LMO4: variants seen among roughly 807,000 people sequenced by gnomAD.
The protein encoded by LMO4 is LIM domain transcription factor LMO4.
Under a neutral mutation model 18.5 loss-of-function variants are expected in LMO4, and 3 were observed. The ratio of observed to expected loss-of-function variants is 0.16; its 90% CI spans 0.07 to 0.42. The LOEUF (loss-of-function observed/expected upper bound fraction) is 0.42, where lower values mean the gene tolerates loss of function less well. LMO4 is among the 10% of genes least tolerant of loss of function. LMO4 has a pLI of 0.99. For missense variants in LMO4, 121 were observed against 219.9 expected (o/e 0.55, Z 2.84); for synonymous variants, 100 against 88.1 (o/e 1.14, Z -0.76).
At chr1:87,341,988 G>A (rs1273587144) in intron 4 of LMO4, among the ~76,000 whole-genome samples, 2 of 152,122 alleles carry the variant, frequency 1.3e-5, no homozygotes, top group Admixed American at 6.5e-5. Flanking sequence ...ACACTTGGTA[G>A]CAAAAAAGAA....
At chr1:87,329,439 C>G (rs1166592891) in intron 1 of LMO4, among the ~76,000 whole-genome samples, 195 bp downstream of exon 1, 1 of 152,144 alleles carries the variant, frequency 6.6e-6, no homozygotes, top group East Asian at 1.9e-4. Context: ...AGGGCAGCCC[C>G]GGGCCGCCAG....
At chr1:87,340,314 A>C in intron 4 of LMO4, 112 bp downstream of exon 4, 1 of 942,266 alleles carries the variant, frequency 1.1e-6, no homozygotes, top group African/African-American at 1.7e-5. Flanking sequence ...TGCCCTTTTA[A>C]AGAAATGTAG....
chr1:87,339,353 G>A (rs559514682), intron 2 of LMO4, among the ~76,000 whole-genome samples, 183 bp from the exon 3 acceptor site: 2 of 152,094 alleles, frequency 1.3e-5, no homozygotes, highest in Non-Finnish European at 2.9e-5. Flanking sequence ...GCAGAAGTTT[G>A]TTGTCCCACA....
At position 87,340,144 on chromosome 1, in the gene LMO4, C is replaced by T. The variant is rs1234700962; in HGVS notation, c.431C>T (p.Ala144Val). The T allele has an allele frequency of 6.2e-7, 1 of 1,614,060 alleles. No individual in the cohort carries two copies. The highest frequency in any genetic ancestry group is 1.1e-5 in the South Asian group (1 of 91,086). The change falls in exon 4 of 5, where the codon GCT becomes GTT. Residue 144 changes from alanine to valine, a missense_variant. Coordinates refer to ENST00000370544, the MANE Select transcript of LMO4 (RefSeq NM_006769.4). ...SLFCEHDRPT[A>V]LINGHLNSLQ... ...TTTTGTGAACATGATAGACCTACAG[C>T]TCTCATCAATGGCCATTTGAATTCA...
intron 2 of LMO4, among the ~76,000 whole-genome samples, chr1:87,335,346 G>T (rs2100777160): frequency 6.6e-6 from 1 of 152,236 alleles, no homozygotes; most frequent in South Asian, 2.1e-4. Flanking sequence ...CGCGCCGGAA[G>T]CCAGGGTGGC....
chr1:87,342,965 C>T (rs1455845036), intron 4 of LMO4, among the ~76,000 whole-genome samples: 2 of 152,118 alleles, frequency 1.3e-5, no homozygotes, highest in South Asian at 2.1e-4. Context: ...TCTCCTCTCT[C>T]GTTCTCCATA....
chr1:87,338,821 G>A (rs542274944), intron 2 of LMO4, among the ~76,000 whole-genome samples: 1 of 152,096 alleles, frequency 6.6e-6, no homozygotes, highest in Non-Finnish European at 1.5e-5. Context: ...TGCTCAAATC[G>A]AAATTTCATT....
At chr1:87,339,673 A>G (rs1650417542) in intron 3 of LMO4, 41 bp downstream of exon 3, 1 of 1,301,792 alleles carries the variant, frequency 7.7e-7, no homozygotes, top group Middle Eastern at 2.1e-4. Flanking sequence ...AAAAAAAATC[A>G]TACCTTTCCT....
intron 2 of LMO4, among the ~76,000 whole-genome samples, chr1:87,335,139 C>T (rs991252034): frequency 3.9e-5 from 6 of 152,158 alleles, no homozygotes; most frequent in Admixed American, 6.5e-5. Flanking sequence ...TGGGACTGCC[C>T]CTTCCCCCAC....
chr1:87,331,046 T>C (rs1650123376), intron 1 of LMO4, among the ~76,000 whole-genome samples: 1 of 128,154 alleles, frequency 7.8e-6, no homozygotes, highest in Non-Finnish European at 1.6e-5. Context: ...TCTCGCACAT[T>C]ATCTGTAACG....
chr1:87,340,001 A>G (rs1269716764), intron 3 of LMO4, 46 bp from the exon 4 acceptor site: 1 of 1,595,428 alleles, frequency 6.3e-7, no homozygotes, highest in Non-Finnish European at 8.6e-7. Context: ...CCAAAAAAAG[A>G]CTTAATTTTT....
At position 87,328,923 on chromosome 1, in the gene LMO4, AG is replaced by A. The variant is rs1457280661; in HGVS notation, c.-324del. ...GTTGCTGCCGCTGCGCCGCGCCTGA[AG>A]CCGCGCCGCGCGGGCCGAGGGCTCC... On this transcript the variant is annotated 5_prime_UTR_variant, in exon 1 of 5. Coordinates refer to ENST00000370544, the MANE Select transcript of LMO4 (RefSeq NM_006769.4). 2 of 151,976 alleles carry A rather than the reference AG, an allele frequency of 1.3e-5. No individual in the cohort carries two copies. Among genetic ancestry groups the A allele is most frequent in the Non-Finnish European group, 2.9e-5 (2 of 67,980 alleles). 9.4% of individuals were successfully genotyped at this position (151,976 alleles called of 1,614,324 possible).
chr1:87,348,806 C>T lies in LMO4; in HGVS notation c.*4010C>T, dbSNP rs908134686. On this transcript the variant is annotated 3_prime_UTR_variant, in exon 5 of 5. Coordinates refer to ENST00000370544, the MANE Select transcript of LMO4 (RefSeq NM_006769.4). Reference sequence around the variant, plus strand: ...TCAGATTGATTCTGCTGAGAATGGACGGCAACTCGGAGGCCTCAAGCCAAT... The same window carrying T: ...TCAGATTGATTCTGCTGAGAATGGATGGCAACTCGGAGGCCTCAAGCCAAT... 2 of 499,072 alleles carry T rather than the reference C, an allele frequency of 4.0e-6. No homozygotes were observed. The highest frequency in any genetic ancestry group is 8.0e-6 in the Non-Finnish European group (2 of 250,148). 30.9% of individuals were successfully genotyped at this position (499,072 alleles called of 1,614,324 possible). A position where few individuals can be genotyped will look rare whatever the true frequency, so the allele number is the denominator to read the frequency against.
chr1:87,336,630 C>G (rs1650321758), intron 2 of LMO4, among the ~76,000 whole-genome samples: 1 of 152,168 alleles, frequency 6.6e-6, no homozygotes, highest in Non-Finnish European at 1.5e-5. Flanking sequence ...GATTTCTTCC[C>G]ATCTTTTCCG....
chr1:87,332,039 G>C lies in LMO4; in HGVS notation c.24G>C (p.Ser8=). The change falls in exon 2 of 5, where the codon TCG becomes TCC. Residue 8 remains serine (S), a synonymous_variant. Transcript: ENST00000370544. MVNPGSS[S]QPPPVTAGSL... Reference sequence around the variant, plus strand: ...CCATGGTGAATCCGGGCAGCAGCTCGCAGCCGCCCCCGGTGACGGCCGGCT... The same window carrying C: ...CCATGGTGAATCCGGGCAGCAGCTCCCAGCCGCCCCCGGTGACGGCCGGCT... 3 of 1,612,644 alleles carry C rather than the reference G, an allele frequency of 1.9e-6. No homozygotes were observed. The highest frequency in any genetic ancestry group is 2.5e-6 in the Non-Finnish European group (3 of 1,179,832).
At position 87,347,326 on chromosome 1, in the gene LMO4, G is replaced by A. The variant is rs897087403; in HGVS notation, c.*2530G>A. ...GGTAAAACACTTTCTTGAAACCAGA[G>A]GCATTTCAAACAATAAAACCCGGCT... On this transcript the variant is annotated 3_prime_UTR_variant, in exon 5 of 5. Coordinates refer to ENST00000370544, the MANE Select transcript of LMO4 (RefSeq NM_006769.4). 2.6e-5 allele frequency: 4 copies of A among 152,108 alleles called. No homozygotes were observed. The highest frequency in any genetic ancestry group is 9.7e-5 in the African/African-American group (4 of 41,404). The allele number at this position is 152,108 out of a possible 1,614,324, so 9.4% of individuals were successfully genotyped here.
intron 4 of LMO4, 151 bp from the exon 5 acceptor site, chr1:87,344,637 T>C: frequency 1.4e-6 from 1 of 728,288 alleles, no homozygotes; most frequent in Non-Finnish European, 2.4e-6. Flanking sequence ...CCAGAGTAAG[T>C]AGCATAGAAA....
chr1:87,333,949 A>C lies in LMO4; in HGVS notation c.236+1698A>C, dbSNP rs548757891. On this transcript the variant is annotated intron_variant, in intron 2 of 4. Coordinates refer to ENST00000370544, the MANE Select transcript of LMO4 (RefSeq NM_006769.4). ...CTCTTCTCCGAGTGCCTTCAAAAAA[A>C]AAAAAACAAAAAACAAAAAAAACCC... Among the ~76,000 whole-genome samples, 963 of 152,108 alleles carry C rather than the reference A, an allele frequency of 6.3e-3. 10 individuals carry two copies. The highest frequency in any genetic ancestry group is 0.014 in the Middle Eastern group (4 of 294).
At position 87,332,045 on chromosome 1, in the gene LMO4, GCC is replaced by G; in HGVS notation, c.34_35del (p.Pro12GlyfsTer64). On this transcript the variant is annotated frameshift_variant, in exon 2 of 5. Transcript: ENST00000370544. LOFTEE classifies it high-confidence loss of function. ...TGAATCCGGGCAGCAGCTCGCAGCC[GCC>G]CCCGGTGACGGCCGGCTCCCTCTCC... MVNPGSSSQP[P>X]PVTAGSLSWK... is the part of the protein sequence containing the mutation. 6.2e-7 allele frequency: 1 copy of G among 1,612,920 alleles called. No homozygotes were observed. The highest frequency in any genetic ancestry group is 8.5e-7 in the Non-Finnish European group (1 of 1,179,872).
Sources: gnomAD v4.1 joint callset for allele counts (sites outside exome capture counted in the v4.1 genomes callset) on GRCh38, gnomAD v4.1.1 for gene constraint, MANE v1.5 for transcripts, NCBI Gene and HGNC (gene_info 2026-07-23, HGNC 2026-07-21) for gene names.